LGI1: variants seen among roughly 807,000 people sequenced by gnomAD.
LGI1 encodes the protein leucine-rich glioma-inactivated protein 1.
A neutral mutation model predicts 57.7 loss-of-function variants in LGI1; 11 were observed. The ratio of observed to expected loss-of-function variants is 0.19; its 90% confidence interval spans 0.12 to 0.32. The LOEUF (loss-of-function observed/expected upper bound fraction) is 0.32, where lower values mean the gene tolerates loss of function less well. Among genes scored for constraint, LGI1 ranks in the 10% least tolerant of loss-of-function variants. LGI1 has a pLI of 1.00. For missense variants in LGI1, 422 were observed against 661.9 expected, an observed-to-expected ratio of 0.64 and a Z score of 3.98; for synonymous variants, 222 against 241.9, an observed-to-expected ratio of 0.92 and a Z score of 0.76.
At chr10:93,766,404 G>A (rs956546742) in intron 2 of LGI1, among the ~76,000 whole-genome samples, 2 of 151,942 alleles carry the variant, frequency 1.3e-5, no homozygotes, top group African/African-American at 4.8e-5. Flanking sequence ...CCTCCTTTGA[G>A]AATTGTCTTC....
chr10:93,790,429 T>A (rs545324893), intron 5 of LGI1: 2 of 456,678 alleles, frequency 4.4e-6, no homozygotes, highest in East Asian at 7.7e-5. Context: ...CAGGGAGCGA[T>A]GATAAAGGAC....
chr10:93,777,109 G>T, intron 2 of LGI1: 1 of 568,598 alleles, frequency 1.8e-6, no homozygotes, highest in Non-Finnish European at 3.1e-6. Flanking sequence ...TATCATAGCT[G>T]CTCTGATTGT....
At chr10:93,776,804 T>C (rs1032696487) in intron 2 of LGI1, 1 of 153,238 alleles carries the variant, frequency 6.5e-6, no homozygotes, top group Admixed American at 6.5e-5. Context: ...AACTATTTGG[T>C]AATAAAATGG....
rs768151875 is a variant in LGI1 at position 93,797,191 on chromosome 10, T to G, written c.1062T>G (p.Ala354=). The G allele has an allele frequency of 9.0e-5, 145 of 1,614,124 alleles. 5 individuals carry two copies. The South Asian group carries it at 1.5e-3, about 17-fold the overall frequency. Residue 354 remains alanine (A), a synonymous_variant, in exon 8 of 8, where the codon GCT becomes GCG. Coordinates refer to ENST00000371418, the MANE Select transcript of LGI1 (RefSeq NM_005097.4). The surrounding 1 kb of genome is among the most constrained non-coding windows in gnomAD (Gnocchi z 6.5). ...WYFVVADSSK[A]GFTTIYKWNG... is the part of the protein sequence containing the mutation. ...TTGTTGTTGCTGACAGTTCAAAAGC[T>G]GGTTTTACTACCATTTACAAATGGA...
chr10:93,788,348 G>A (rs2059907695), intron 4 of LGI1: 1 of 152,206 alleles, frequency 6.6e-6, no homozygotes, highest in Admixed American at 6.5e-5. Context: ...TCTAAACGTT[G>A]TTTCTTGGAC....
intron 5 of LGI1, chr10:93,791,604 T>C (rs1249818650): frequency 6.6e-6 from 1 of 152,182 alleles, no homozygotes; most frequent in Non-Finnish European, 1.5e-5. Flanking sequence ...TAAAAAACAT[T>C]TTTAAATGTT....
chr10:93,791,320 G>A lies in LGI1; in HGVS notation c.503+1150G>A, dbSNP rs538850911. 4 of 152,378 alleles carry A rather than the reference G, an allele frequency of 2.6e-5. No individual in the cohort carries two copies. In the South Asian group the frequency reaches 8.3e-4, roughly 32 times the overall value. The allele number at this position is 152,378 out of a possible 1,614,324, so 9.4% of individuals were successfully genotyped here. ...TTGGGAGACTAGGTCAGTTCTGGGA[G>A]TGTCTTGGAAGTTAGAACACACTCC... On this transcript the variant is annotated intron_variant, in intron 5 of 7. Coordinates refer to ENST00000371418, the MANE Select transcript of LGI1 (RefSeq NM_005097.4).
At chr10:93,787,386 C>T (rs1454904534) in intron 4 of LGI1, among the ~76,000 whole-genome samples, 1 of 152,196 alleles carries the variant, frequency 6.6e-6, no homozygotes, top group Non-Finnish European at 1.5e-5. Context: ...ATTCCACAGC[C>T]CATCGGGCCA....
intron 4 of LGI1, 180 bp from the exon 5 acceptor site, chr10:93,789,919 G>A: frequency 1.6e-6 from 1 of 625,548 alleles, no homozygotes; most frequent in South Asian, 2.0e-5. Context: ...AAGTGAACAG[G>A]TTAGGAACTG....
At chr10:93,761,258 GC>G (rs2059620223) in intron 2 of LGI1, among the ~76,000 whole-genome samples, 3 of 152,112 alleles carry the variant, frequency 2.0e-5, no homozygotes, top group Non-Finnish European at 4.4e-5. Flanking sequence ...AAGACCAATG[GC>G]ATTGGACCAC....
chr10:93,793,732 CTCA>C (rs1361889204), intron 7 of LGI1, among the ~76,000 whole-genome samples: 1 of 152,194 alleles, frequency 6.6e-6, no homozygotes, highest in African/African-American at 2.4e-5. Flanking sequence ...ACTGACACCC[CTCA>C]ACCCCTTTTT....
intron 7 of LGI1, among the ~76,000 whole-genome samples, chr10:93,795,588 T>C (rs986495952): frequency 6.6e-6 from 1 of 152,156 alleles, no homozygotes; most frequent in Non-Finnish European, 1.5e-5. Context: ...CCATAGCAGA[T>C]GACAAATATA....
chr10:93,787,540 T>C (rs2059901200), intron 4 of LGI1, among the ~76,000 whole-genome samples: 2 of 152,190 alleles, frequency 1.3e-5, no homozygotes, highest in East Asian at 3.9e-4. Context: ...GTGGTTAGCT[T>C]GCACGTGGAT....
At position 93,797,001 on chromosome 10, in the gene LGI1, T is replaced by C. The variant is rs1252456613; in HGVS notation, c.872T>C (p.Ile291Thr). ...TSTVVCKPIV[I>T]ETQLYVIVAQ... ...ACTGTAGTATGCAAGCCTATAGTCA[T>C]TGAAACTCAGCTCTATGTTATTGTG... is the stretch of plus-strand genomic sequence containing the variant. The change falls in exon 8 of 8, where the codon ATT (isoleucine) becomes ACT (threonine). Residue 291 changes from isoleucine to threonine, a missense_variant. Ile to Thr is a moderately conservative substitution (Grantham distance 89). Coordinates refer to ENST00000371418, the MANE Select transcript of LGI1 (RefSeq NM_005097.4). The surrounding 1 kb of genome is among the most constrained non-coding windows in gnomAD (Gnocchi z 6.5). The C allele has an allele frequency of 1.9e-6, 3 of 1,614,022 alleles. No individual in the cohort carries two copies. Among genetic ancestry groups the C allele is most frequent in the Non-Finnish European group, 2.5e-6 (3 of 1,180,008 alleles).
rs4375374 is a variant in LGI1 at position 93,789,914 on chromosome 10, A to G, written c.432-185A>G. 0.91 allele frequency: 550,590 copies of G among 604,812 alleles called. 258,195 individuals are homozygous for G. The highest frequency in any genetic ancestry group is 0.97 in the Non-Finnish European group (338,212 of 348,330). The allele number at this position is 604,812 out of a possible 1,614,324, so 37.5% of individuals were successfully genotyped here. On this transcript the variant is annotated intron_variant, in intron 4 of 7. Coordinates refer to ENST00000371418, the MANE Select transcript of LGI1 (RefSeq NM_005097.4). ...TAAATATGGAGTGGGTGTTGAAGTG[A>G]ACAGGTTAGGAACTGAAAGGACAAT...
Position 93,758,412 on chromosome 10 carries a change from G to T in LGI1, c.215+53G>T. On this transcript the variant is annotated intron_variant, in intron 1 of 7. Coordinates refer to ENST00000371418, the MANE Select transcript of LGI1 (RefSeq NM_005097.4). The surrounding 1 kb of genome is among the most constrained non-coding windows in gnomAD (Gnocchi z 4.7). ...AATTTACGATTTAAAAATTCCAGCCGGTGGATTTGGGGCTTTGCATGTATT... is the reference window on the plus strand; with the variant it reads ...AATTTACGATTTAAAAATTCCAGCCTGTGGATTTGGGGCTTTGCATGTATT... 1 of 1,526,874 alleles carries T rather than the reference G, an allele frequency of 6.5e-7. No individual in the cohort carries two copies. The highest frequency in any genetic ancestry group is 1.1e-5 in the South Asian group (1 of 89,402). 94.6% of individuals were successfully genotyped at this position (1,526,874 alleles called of 1,614,324 possible).
At chr10:93,790,053 T>C (rs1459538112) in intron 4 of LGI1, 46 bp from the exon 5 acceptor site, 1 of 1,539,662 alleles carries the variant, frequency 6.5e-7, no homozygotes, top group East Asian at 2.3e-5. Context: ...TGCCTTTGTT[T>C]AATTTATCAC....
At position 93,793,410 on chromosome 10, in the gene LGI1, A is replaced by G; in HGVS notation, c.838+60A>G. The G allele has an allele frequency of 2.1e-6, 3 of 1,404,058 alleles. No homozygotes were observed. The East Asian group carries it at 6.8e-5, about 32-fold the overall frequency. The allele number at this position is 1,404,058 out of a possible 1,614,324, so 87.0% of individuals were successfully genotyped here. A position where few individuals can be genotyped will look rare whatever the true frequency, so the allele number is the denominator to read the frequency against. ...TTAAACTGCTTCAGCCAAGGGCAAC[A>G]AGGAAAGATGAGTGGTATAGGGGAA... On this transcript the variant is annotated intron_variant, in intron 7 of 7. Coordinates refer to ENST00000371418, the MANE Select transcript of LGI1 (RefSeq NM_005097.4).
chr10:93,791,373 G>A (rs1263684795), intron 5 of LGI1: 1 of 152,054 alleles, frequency 6.6e-6, no homozygotes, highest in Admixed American at 6.6e-5. Flanking sequence ...TAGCTCATTG[G>A]GGGTCCTTTA....
Sources: gnomAD v4.1 joint callset for allele counts (sites outside exome capture counted in the v4.1 genomes callset) on GRCh38, gnomAD v4.1.1 for gene constraint, Gnocchi (gnomAD v3.1) non-coding constraint, MANE v1.5 for transcripts, NCBI Gene and HGNC (gene_info 2026-07-23, HGNC 2026-07-21) for gene names.